TTLL3: variants seen among roughly 807,000 people sequenced by gnomAD.
TTLL3 encodes tubulin tyrosine ligase like 3.
A neutral mutation model predicts 75.2 loss-of-function variants in TTLL3; 63 were observed. That is an observed-to-expected ratio of 0.84 (90% CI 0.68 to 1.03). The LOEUF is 1.03. TTLL3 is among the 50% of genes least tolerant of loss of function. The probability of loss-of-function intolerance (pLI) is 0.00; values close to 1 mark genes in which losing one functional copy is unlikely to be tolerated. For missense variants in TTLL3, 997 were observed against 1,069.9 expected (o/e 0.93, Z 0.95); for synonymous variants, 393 against 418.5 (o/e 0.94, Z 0.74).
At position 9,813,362 on chromosome 3, in the gene TTLL3, C is replaced by G. The variant is rs1415651034; in HGVS notation, c.315+17C>G. On this transcript the variant is annotated intron_variant, in intron 4 of 13. Coordinates refer to ENST00000685419, the MANE Select transcript of TTLL3 (RefSeq NM_001387446.1). ...GCTCTGATGGTGAGGGCCCTGGGGG[C>G]CAAGATGATACAGGGACTGCCTGCT... The G allele has an allele frequency of 4.3e-6, 7 of 1,613,360 alleles. No individual in the cohort carries two copies. Among genetic ancestry groups the G allele is most frequent in the Middle Eastern group, 1.7e-4 (1 of 5,774 alleles).
chr3:9,816,205 G>A lies in TTLL3; in HGVS notation c.444+3G>A, dbSNP rs1476652095. 7.4e-7 allele frequency: 1 copy of A among 1,349,438 alleles called. No individual in the cohort carries two copies. The allele number at this position is 1,349,438 out of a possible 1,614,324, so 83.6% of individuals were successfully genotyped here. A position where few individuals can be genotyped will look rare whatever the true frequency, so the allele number is the denominator to read the frequency against. ...GGGCTGGCTCCTTTACCACAAAGGT[G>A]GGCTCCCTAGAGGAGCAGGCAGGGC... On this transcript the variant is annotated splice_donor_region_variant and intron_variant, in intron 5 of 13. Coordinates refer to ENST00000685419, the MANE Select transcript of TTLL3 (RefSeq NM_001387446.1).
At chr3:9,819,734 G>A in intron 7 of TTLL3, 1 of 985,492 alleles carries the variant, frequency 1.0e-6, no homozygotes. Flanking sequence ...CAGGGAAGCA[G>A]AGGCAGCTCT....
intron 10 of TTLL3, chr3:9,827,449 CTGGAG>C: frequency 1.2e-6 from 1 of 862,782 alleles, no homozygotes; most frequent in Non-Finnish European, 1.7e-6. Flanking sequence ...GTTACCTAGG[CTGGAG>C]TGCAGTGGCA....
chr3:9,816,866 C>T (rs983716156), intron 5 of TTLL3, among the ~76,000 whole-genome samples: 4 of 152,070 alleles, frequency 2.6e-5, no homozygotes, highest in African/African-American at 9.7e-5. Context: ...AATGAGAATA[C>T]CAGTAAGGCC....
intron 10 of TTLL3, chr3:9,827,469 C>G: frequency 3.1e-6 from 2 of 644,230 alleles, no homozygotes; most frequent in Non-Finnish European, 5.0e-6. Context: ...GTGGCATGGT[C>G]ACGGCTCACT....
chr3:9,811,669 AG>A (rs1423715035), intron 2 of TTLL3, among the ~76,000 whole-genome samples: 1 of 152,202 alleles, frequency 6.6e-6, no homozygotes, highest in Non-Finnish European at 1.5e-5. Flanking sequence ...TGACACTCTT[AG>A]TATGAAATCC....
At chr3:9,812,884 C>T (rs2079481930) in intron 2 of TTLL3, 59 bp from the exon 3 acceptor site, 2 of 1,426,258 alleles carry the variant, frequency 1.4e-6, no homozygotes, top group Admixed American at 2.5e-5. Flanking sequence ...CCTTTATATC[C>T]CCTATGTCTG....
upstream of TTLL3, chr3:9,810,073 G>C (rs926261384): frequency 2.2e-6 from 3 of 1,374,930 alleles, no homozygotes; most frequent in Non-Finnish European, 2.8e-6. This position sits in a 1 kb window ranked among gnomAD's most constrained non-coding sequence, Gnocchi z 4.4. Flanking sequence ...CCGGGGCTCG[G>C]CCTCCTGGTA....
rs113677996 is a variant in TTLL3 at position 9,817,000 on chromosome 3, C to A, written c.445-645C>A. On this transcript the variant is annotated intron_variant, in intron 5 of 13. Transcript: ENST00000685419. ...TTTTTTTATTTTTAAGAGATGAGGT[C>A]TTGCTATGCTGCCTAGGCTGGTCTT... is the stretch of plus-strand genomic sequence containing the variant. Among the ~76,000 whole-genome samples the A allele has an allele frequency of 4.3e-3, 657 of 152,252 alleles. 4 individuals are homozygous for A. The highest frequency in any genetic ancestry group is 0.015 in the African/African-American group (624 of 41,564).
intron 6 of TTLL3, chr3:9,818,491 C>T: frequency 3.9e-6 from 1 of 259,700 alleles, no homozygotes; most frequent in Admixed American, 5.3e-5. Context: ...GCCTCAGCCT[C>T]CCGAGTAGCT....
chr3:9,835,733 A>G lies in TTLL3; in HGVS notation c.*244A>G. Reference sequence around the variant, plus strand: ...CGAGCACTGGGAGCCCCCCAACCCCAGAGAACAAGCCAAGCTAGCAGAATG... The same window carrying G: ...CGAGCACTGGGAGCCCCCCAACCCCGGAGAACAAGCCAAGCTAGCAGAATG... On this transcript the variant is annotated 3_prime_UTR_variant, in exon 14 of 14. Transcript: ENST00000685419. The G allele has an allele frequency of 2.0e-6, 1 of 491,598 alleles. No individual in the cohort carries two copies. The highest frequency in any genetic ancestry group is 2.0e-5 in the African/African-American group (1 of 51,126). 30.5% of individuals were successfully genotyped at this position (491,598 alleles called of 1,614,324 possible). A position where few individuals can be genotyped will look rare whatever the true frequency, so the allele number is the denominator to read the frequency against.
At chr3:9,823,601 G>A (rs975367110) in intron 8 of TTLL3, among the ~76,000 whole-genome samples, 1 of 151,996 alleles carries the variant, frequency 6.6e-6, no homozygotes, top group Non-Finnish European at 1.5e-5. Flanking sequence ...TTACTGAAAA[G>A]ATACTTCATG....
At chr3:9,809,856 G>A (rs1303720672), upstream of TTLL3, 5 of 571,828 alleles carry the variant, frequency 8.7e-6, no homozygotes, top group East Asian at 1.8e-4. Context: ...ATGGTGCCCA[G>A]GGAATGGTTT....
chr3:9,812,467 AT>A (rs1208699250), intron 2 of TTLL3, among the ~76,000 whole-genome samples: 1 of 151,960 alleles, frequency 6.6e-6, no homozygotes, highest in Non-Finnish European at 1.5e-5. Flanking sequence ...GTGAGCCAAG[AT>A]TGTGCCACTC....
chr3:9,819,559 C>G, intron 7 of TTLL3: 1 of 986,728 alleles, frequency 1.0e-6, no homozygotes, highest in Non-Finnish European at 1.2e-6. Flanking sequence ...GGCCTGAGAA[C>G]AGCTTAGGCC....
chr3:9,833,110 G>A lies in TTLL3; in HGVS notation c.1690G>A (p.Val564Met), dbSNP rs762944544. 4.6e-5 allele frequency: 74 copies of A among 1,614,082 alleles called. No individual in the cohort carries two copies. Among genetic ancestry groups the A allele is most frequent in the Non-Finnish European group, 5.3e-5 (62 of 1,180,026 alleles). Residue 564 changes from valine to methionine, a missense_variant, in exon 12 of 14, where the codon GTG (valine) becomes ATG (methionine). Coordinates refer to ENST00000685419, the MANE Select transcript of TTLL3 (RefSeq NM_001387446.1). ...AFELIYKQPA[V>M]EVPQYVGIRL... is the part of the protein sequence containing the mutation. ...CTCCTCTTCTTGCCCACAGCCTGCTGTGGAGGTGCCTCAATATGTGGGCAT... is the reference window on the plus strand; with the variant it reads ...CTCCTCTTCTTGCCCACAGCCTGCTATGGAGGTGCCTCAATATGTGGGCAT...
intron 11 of TTLL3, among the ~76,000 whole-genome samples, chr3:9,831,058 C>T (rs897291823): frequency 6.6e-6 from 1 of 152,198 alleles, no homozygotes; most frequent in African/African-American, 2.4e-5. Flanking sequence ...GCCTCGGCCT[C>T]CCAAAATGCT....
rs1450884519 is a variant in TTLL3, at chr3:9,810,553, AAGATCCTAGGCCG to A, written c.-41-64_-41-52del. 2 of 1,494,424 alleles carry A rather than the reference AAGATCCTAGGCCG, an allele frequency of 1.3e-6. No homozygotes were observed. The highest frequency in any genetic ancestry group is 2.6e-5 in the East Asian group (1 of 39,152). 92.6% of individuals were successfully genotyped at this position (1,494,424 alleles called of 1,614,324 possible). A position where few individuals can be genotyped will look rare whatever the true frequency, so the allele number is the denominator to read the frequency against. On this transcript the variant is annotated intron_variant, in intron 1 of 13. Transcript: ENST00000685419. This position sits in a 1 kb window ranked among gnomAD's most constrained non-coding sequence, Gnocchi z 4.4. ...GAGGCGTGGCTATGGGCGGCCAGAAAAGATCCTAGGCCGAGACCCTAGGCCCAGCCTCAGTGTA... is the reference window on the plus strand; with the variant it reads ...GAGGCGTGGCTATGGGCGGCCAGAAAAGACCCTAGGCCCAGCCTCAGTGTA...
chr3:9,822,002 CAAA>C (rs1197157115), intron 8 of TTLL3, among the ~76,000 whole-genome samples: 2 of 50,062 alleles, frequency 4.0e-5, no homozygotes, highest in Admixed American at 2.3e-4. Context: ...GACTCCGTCT[CAAA>C]AAAAAAAAAA....
Sources: gnomAD v4.1 joint callset for allele counts (sites outside exome capture counted in the v4.1 genomes callset) on GRCh38, gnomAD v4.1.1 for gene constraint, Gnocchi (gnomAD v3.1) non-coding constraint, MANE v1.5 for transcripts, NCBI Gene and HGNC (gene_info 2026-07-23, HGNC 2026-07-21) for gene names.